The following ZNF638 variants were observed in gnomAD, a reference collection of about 807,000 sequenced individuals.
ZNF638 encodes the protein zinc finger protein 638.
Under a neutral mutation model 195.6 loss-of-function variants are expected in ZNF638, and 46 were observed. The observed-to-expected ratio is 0.24, with a 90% confidence interval of 0.19 to 0.30. The LOEUF is 0.30. ZNF638 is among the 10% of genes least tolerant of loss of function. The pLI, the probability that ZNF638 is intolerant of heterozygous loss-of-function variation, is 1.00. For synonymous variants in ZNF638, 845 were observed against 772.0 expected, an observed-to-expected ratio of 1.09 and a Z score of -1.57; for missense variants, 2,440 against 2,325.3, an observed-to-expected ratio of 1.05 and a Z score of -1.01.
intron 1 of ZNF638, among the ~76,000 whole-genome samples, chr2:71,340,005 C>A (rs555534078): frequency 6.6e-5 from 10 of 152,290 alleles, no homozygotes; most frequent in Non-Finnish European, 1.0e-4. Context: ...ATCAAAAAAT[C>A]ATTTTCCTGA....
intron 25 of ZNF638, among the ~76,000 whole-genome samples, chr2:71,430,133 C>T (rs1355847475): frequency 6.6e-6 from 1 of 151,996 alleles, no homozygotes; most frequent in Non-Finnish European, 1.5e-5. Flanking sequence ...GACAAAAGGA[C>T]CTAGCTTAAG....
intron 1 of ZNF638, among the ~76,000 whole-genome samples, chr2:71,344,844 A>G (rs2078824229): frequency 6.6e-6 from 1 of 152,240 alleles, no homozygotes; most frequent in Non-Finnish European, 1.5e-5. Context: ...AGTATAAATA[A>G]CAAGCATCCT....
chr2:71,432,345 C>T (rs57030763), intron 26 of ZNF638, among the ~76,000 whole-genome samples: 116 of 152,246 alleles, frequency 7.6e-4, no homozygotes, highest in African/African-American at 2.6e-3. Context: ...GGACTACAGG[C>T]GTCTACCACC....
At chr2:71,396,235 T>C (rs780776094) in intron 11 of ZNF638, 44 bp downstream of exon 11, 8 of 1,519,454 alleles carry the variant, frequency 5.3e-6, no homozygotes, top group Non-Finnish European at 7.2e-6. Context: ...GTTAAAACTT[T>C]AATGTATTTT....
rs142605387 is a variant in ZNF638 at position 71,387,726 on chromosome 2, A to G, written c.2377+7161A>G. The stretch of plus-strand genomic sequence containing the variant: ...TTGGATCAAAGATTTACTATGATAC[A>G]TAAGATGATAACAGTATTCTTTAAG... On this transcript the variant is annotated intron_variant, in intron 10 of 27. Coordinates refer to ENST00000264447, the MANE Select transcript of ZNF638 (RefSeq NM_014497.5). 2.5e-3 allele frequency among the ~76,000 whole-genome samples: 385 copies of G among 152,284 alleles called. 2 individuals are homozygous for G. The highest frequency in any genetic ancestry group is 8.7e-3 in the African/African-American group (360 of 41,566).
At chr2:71,334,321 A>G (rs1019009346) in intron 1 of ZNF638, among the ~76,000 whole-genome samples, 3 of 152,224 alleles carry the variant, frequency 2.0e-5, no homozygotes, top group Non-Finnish European at 2.9e-5. Context: ...CAGTACTTCC[A>G]GTATTGGTAC....
At chr2:71,424,543 A>G in intron 22 of ZNF638, 107 bp from the exon 23 acceptor site, 1 of 835,642 alleles carries the variant, frequency 1.2e-6, no homozygotes, top group Non-Finnish European at 1.9e-6. Flanking sequence ...AATTGACTGT[A>G]TTTGGGTAAT....
rs760124724 is a variant in ZNF638 at position 71,355,746 on chromosome 2, A to G, written c.1345A>G (p.Thr449Ala). 18 of 1,599,420 alleles carry G rather than the reference A, an allele frequency of 1.1e-5. No homozygotes were observed. Among genetic ancestry groups the G allele is most frequent in the East Asian group, 2.3e-5 (1 of 44,330 alleles). Residue 449 changes from threonine (T) to alanine (A), a missense_variant, in exon 3 of 28, where the codon ACT (threonine) becomes GCT (alanine). Physicochemically the swap from Thr to Ala is moderately conservative, Grantham distance 58. Transcript: ENST00000264447. The part of the protein sequence containing the change: ...KDWIQHQNTS[T>A]HIESCRQLRQ... ...TTGGATTCAGCATCAAAATACATCT[A>G]CTCATATTGAGAGCTGTCGACAGTT...
In ZNF638 at chr2:71,426,742, A is replaced by G. The variant is rs770923390; in HGVS notation, c.4873A>G (p.Ile1625Val). ...AGCTCTAGTCACTGTGGATGAAGTA[A>G]TTGATGAAGAAGAACTAAATATGGA... ...AQALVTVDEV[I>V]DEEELNMEEM... Residue 1625 changes from isoleucine to valine, a missense_variant, in exon 24 of 28, where the codon ATT (isoleucine) becomes GTT (valine). Physicochemically the swap from Ile to Val is conservative, Grantham distance 29. Around this residue, in one of 5 missense-constraint regions of ZNF638, gnomAD observed 1,883 missense variants for 1,739.1 expected, o/e 1.08. Transcript: ENST00000264447. 4 of 1,614,020 alleles carry G rather than the reference A, an allele frequency of 2.5e-6. No individual in the cohort carries two copies. In the African/African-American group the frequency reaches 4.0e-5, roughly 16 times the overall value.
At position 71,349,156 on chromosome 2, in the gene ZNF638, A is replaced by G. The variant is rs1268864675; in HGVS notation, c.202A>G (p.Arg68Gly). Residue 68 changes from arginine (R) to glycine (G), a missense_variant, in exon 2 of 28, where the codon AGA (arginine) becomes GGA (glycine). This residue lies in a region of ZNF638 where 191 missense variants were observed against 173.8 expected (regional missense o/e 1.10). Transcript: ENST00000264447. ...HESYQNMGPQ[R>G]MNVQVTQHRT... ...ATCTTATCAGAACATGGGGCCACAG[A>G]GAATGAATGTTCAGGTAACTCAACA... 1 of 1,614,228 alleles carries G rather than the reference A, an allele frequency of 6.2e-7. No homozygotes were observed. Among genetic ancestry groups the G allele is most frequent in the African/African-American group, 1.3e-5 (1 of 75,058 alleles).
chr2:71,355,838 A>G (rs1158015229), intron 3 of ZNF638, 58 bp downstream of exon 3: 1 of 1,015,534 alleles, frequency 9.8e-7, no homozygotes, highest in African/African-American at 1.7e-5. Context: ...GTTAATGTTC[A>G]GATGTGACTG....
intron 2 of ZNF638, among the ~76,000 whole-genome samples, chr2:71,355,288 A>G (rs1253157960): frequency 6.6e-6 from 1 of 152,162 alleles, no homozygotes; most frequent in African/African-American, 2.4e-5. Flanking sequence ...GTTAGCGTGA[A>G]TTTTAGAGGT....
intron 6 of ZNF638, 49 bp downstream of exon 6, chr2:71,365,755 C>T: frequency 6.7e-7 from 1 of 1,491,646 alleles, no homozygotes; most frequent in Non-Finnish European, 9.0e-7. Flanking sequence ...TTCACTCTGT[C>T]ATCCTCGCTG....
chr2:71,394,219 A>G (rs1266779945), intron 10 of ZNF638, among the ~76,000 whole-genome samples: 1 of 152,166 alleles, frequency 6.6e-6, no homozygotes, highest in African/African-American at 2.4e-5. Flanking sequence ...TCTTAGTTTC[A>G]TAGCCATGTC....
At chr2:71,337,368 T>G (rs2104087909) in intron 1 of ZNF638, among the ~76,000 whole-genome samples, 1 of 152,294 alleles carries the variant, frequency 6.6e-6, no homozygotes, top group South Asian at 2.1e-4. Flanking sequence ...AAATATTTTC[T>G]TTCACAGTCA....
At chr2:71,399,033 C>T (rs79723786) in intron 12 of ZNF638, among the ~76,000 whole-genome samples, 2,010 of 152,252 alleles carry the variant, frequency 0.013, 41 homozygotes, top group African/African-American at 0.043. Context: ...TGTCGTTTCC[C>T]TCCATAAATG....
Position 71,399,646 on chromosome 2 carries a change from G to A in ZNF638, c.2587+1G>A. 6.2e-7 allele frequency: 1 copy of A among 1,605,472 alleles called. No homozygotes were observed. The highest frequency in any genetic ancestry group is 8.5e-7 in the Non-Finnish European group (1 of 1,176,376). The stretch of plus-strand genomic sequence containing the variant: ...TCTAACAAACCTGTGACTATACCAG[G>A]TAAGCTTGAAATGTGGTCATTCAGT... On this transcript the variant is annotated splice_donor_variant, in intron 13 of 27. Transcript: ENST00000264447. LOFTEE classifies it high-confidence loss of function.
In ZNF638 at chr2:71,349,932, T is replaced by A. The variant is rs752441800; in HGVS notation, c.978T>A (p.Ser326=). The A allele has an allele frequency of 2.5e-6, 4 of 1,614,204 alleles. No individual in the cohort carries two copies. Among genetic ancestry groups the A allele is most frequent in the Non-Finnish European group, 3.4e-6 (4 of 1,180,034 alleles). The change falls in exon 2 of 28, where the codon TCT becomes TCA. Residue 326 remains serine (S), a synonymous_variant. Transcript: ENST00000264447. ...NQTVSQTMSQ[S]LIPPSMNQQP... Reference sequence around the variant, plus strand: ...CAGTTAGCCAGACAATGAGTCAATCTCTGATTCCTCCATCTATGAACCAGC... The same window carrying A: ...CAGTTAGCCAGACAATGAGTCAATCACTGATTCCTCCATCTATGAACCAGC...
chr2:71,427,180 G>C lies in ZNF638; in HGVS notation c.5311G>C (p.Glu1771Gln), dbSNP rs774122393. 17 of 1,611,696 alleles carry C rather than the reference G, an allele frequency of 1.1e-5. No homozygotes were observed. The highest frequency in any genetic ancestry group is 1.7e-5 in the Admixed American group (1 of 59,422). Residue 1771 changes from glutamate to glutamine, a missense_variant, in exon 24 of 28, where the codon GAG becomes CAG. Physicochemically the swap from Glu to Gln is conservative, Grantham distance 29 (BLOSUM62 2). Coordinates refer to ENST00000264447, the MANE Select transcript of ZNF638 (RefSeq NM_014497.5). ...SLADFNNLKE[E>Q]LNFVTVDEVG... Reference sequence around the variant, plus strand: ...GGCGGATTTTAACAACCTTAAAGAAGAGCTTAATTTTGTTACTGTTGATGA... The same window carrying C: ...GGCGGATTTTAACAACCTTAAAGAACAGCTTAATTTTGTTACTGTTGATGA...
Sources: allele counts gnomAD v4.1 joint callset (sites outside exome capture counted in the v4.1 genomes callset), GRCh38; gene constraint gnomAD v4.1.1; regional missense constraint gnomAD v4.1.1; transcripts MANE v1.5; gene names NCBI Gene and HGNC (gene_info 2026-07-23, HGNC 2026-07-21).